Variants in SEC14L4 observed in about 807,000 individuals in gnomAD.
The protein encoded by SEC14L4 is SEC14-like protein 4.
SEC14L4 carries 42 observed loss-of-function variants against 55.1 expected under a neutral mutation model. The ratio of observed to expected loss-of-function variants is 0.76; its 90% CI spans 0.60 to 0.99. SEC14L4 has a LOEUF of 0.99. Ranked by LOEUF, SEC14L4 falls within the 50% of genes least tolerant of loss-of-function variation. The pLI is 0.00. For missense variants in SEC14L4, 445 were observed against 512.1 expected (o/e 0.87, Z 1.27); for synonymous variants, 206 against 206.8 (o/e 1.00, Z 0.03).
At chr22:30,495,560 G>T (rs1205292427) in intron 4 of SEC14L4, 23 bp downstream of exon 4, 3 of 1,613,396 alleles carry the variant, frequency 1.9e-6, no homozygotes, top group Non-Finnish European at 2.5e-6. Flanking sequence ...CAGATGGCCT[G>T]GGGGATGCTG....
intron 2 of SEC14L4, among the ~76,000 whole-genome samples, chr22:30,498,283 T>C (rs1305310117): frequency 6.6e-6 from 1 of 152,070 alleles, no homozygotes; most frequent in Non-Finnish European, 1.5e-5. Flanking sequence ...CCGCCATGCC[T>C]GGCTAATTTT....
chr22:30,490,300 G>A lies in SEC14L4; in HGVS notation c.1082-54C>T, dbSNP rs1437844557. The A allele has an allele frequency of 2.5e-6, 4 of 1,604,262 alleles. No homozygotes were observed. The South Asian group carries it at 4.4e-5, about 18-fold the overall frequency. On this transcript the variant is annotated intron_variant, in intron 11 of 11. Coordinates refer to ENST00000255858, the MANE Select transcript of SEC14L4 (RefSeq NM_174977.4). The stretch of plus-strand genomic sequence containing the variant: ...CACAAACCCCGCACATCTGCAGGAA[G>A]AGCCAGCCCTGCATGGGTGCATCCC...
At position 30,492,163 on chromosome 22, in the gene SEC14L4, G is replaced by A. The variant is rs1390015980; in HGVS notation, c.665-8C>T. ...GCTCCTGCTTCCAGTTGTCTGCATGGGAGCAAGAGAGGGACTCCAAAGGGA... is the reference window on the plus strand; with the variant it reads ...GCTCCTGCTTCCAGTTGTCTGCATGAGAGCAAGAGAGGGACTCCAAAGGGA... On this transcript the variant is annotated splice_region_variant and splice_polypyrimidine_tract_variant and intron_variant, in intron 8 of 11. Coordinates refer to ENST00000255858, the MANE Select transcript of SEC14L4 (RefSeq NM_174977.4). The A allele has an allele frequency of 6.2e-7, 1 of 1,603,980 alleles. No individual in the cohort carries two copies.
intron 2 of SEC14L4, among the ~76,000 whole-genome samples, chr22:30,501,187 G>C (rs1383040035): frequency 6.6e-6 from 1 of 152,192 alleles, no homozygotes; most frequent in Non-Finnish European, 1.5e-5. Flanking sequence ...TGGGTCTTGG[G>C]TTAGTGAGGC....
chr22:30,494,965 C>T lies in SEC14L4; in HGVS notation c.424-4G>A, dbSNP rs773881827. 18 of 1,612,686 alleles carry T rather than the reference C, an allele frequency of 1.1e-5. No individual in the cohort carries two copies. In the East Asian group the frequency reaches 3.6e-4, roughly 32 times the overall value. On this transcript the variant is annotated splice_region_variant and splice_polypyrimidine_tract_variant and intron_variant, in intron 5 of 11. Coordinates refer to ENST00000255858, the MANE Select transcript of SEC14L4 (RefSeq NM_174977.4). ...CCATCTCGATCTTCCTGCCCAGCTG[C>T]TTGGGACAGAGTCATATAGGTCAGA...
Position 30,503,664 on chromosome 22 carries a change from CT to C in SEC14L4, c.130+12del. 1 of 1,602,232 alleles carries C rather than the reference CT, an allele frequency of 6.2e-7. No individual in the cohort carries two copies. The highest frequency in any genetic ancestry group is 8.5e-7 in the Non-Finnish European group (1 of 1,170,072). ...CCTCCCTTTCTGCGTCCCCTGACCC[CT>C]GCAAGCCTCACCTCGCAGCCAGCGC... On this transcript the variant is annotated intron_variant, in intron 2 of 11. Transcript: ENST00000255858.
chr22:30,492,440 C>A (rs1569241307), intron 8 of SEC14L4, 34 bp downstream of exon 8: 2 of 1,564,180 alleles, frequency 1.3e-6, no homozygotes, highest in African/African-American at 1.3e-5. Flanking sequence ...GCTTCCCAGG[C>A]AGATGGACAC....
Position 30,490,041 on chromosome 22 carries a change from G to T in SEC14L4, c.*66C>A. 6.3e-7 allele frequency: 1 copy of T among 1,597,228 alleles called. No homozygotes were observed. The highest frequency in any genetic ancestry group is 1.7e-4 in the Middle Eastern group (1 of 5,996). Reference sequence around the variant, plus strand: ...CCACCTCCAGCACCACCCTGCCTGGGAAGGCAGGGGTCAGAGGGGTGGGTG... The same window carrying T: ...CCACCTCCAGCACCACCCTGCCTGGTAAGGCAGGGGTCAGAGGGGTGGGTG... On this transcript the variant is annotated 3_prime_UTR_variant, in exon 12 of 12. Transcript: ENST00000255858.
At chr22:30,493,774 T>G (rs1193179354) in intron 7 of SEC14L4, among the ~76,000 whole-genome samples, 2 of 152,112 alleles carry the variant, frequency 1.3e-5, no homozygotes, top group Non-Finnish European at 2.9e-5. Flanking sequence ...GAGGCCGAAG[T>G]GGCTGGATGA....
intron 11 of SEC14L4, among the ~76,000 whole-genome samples, chr22:30,490,748 GA>G (rs1295170906): frequency 6.6e-6 from 1 of 152,184 alleles, no homozygotes; most frequent in Admixed American, 6.5e-5. Flanking sequence ...TTACAGAGGA[GA>G]AAACTGAGGC....
At chr22:30,492,242 T>C in intron 8 of SEC14L4, 87 bp from the exon 9 acceptor site, 1 of 1,503,308 alleles carries the variant, frequency 6.7e-7, no homozygotes, top group Non-Finnish European at 9.1e-7. Context: ...GGGAACCTGA[T>C]ATGTCCTGGG....
intron 7 of SEC14L4, among the ~76,000 whole-genome samples, 170 bp downstream of exon 7, chr22:30,493,980 G>C (rs8141671): frequency 0.19 from 28,292 of 152,076 alleles, 2,946 homozygotes; most frequent in Admixed American, 0.25. Flanking sequence ...CTCCGGCCTG[G>C]GTGACAGAGG....
chr22:30,504,546 G>A (rs1203852267), intron 1 of SEC14L4, among the ~76,000 whole-genome samples: 2 of 152,200 alleles, frequency 1.3e-5, no homozygotes, highest in South Asian at 4.1e-4. Context: ...AAAGGAGTCT[G>A]TGCACGTAAA....
Position 30,505,650 on chromosome 22 carries a change from G to T in SEC14L4, c.-39C>A, listed in dbSNP as rs770244560. 4.6e-6 allele frequency: 7 copies of T among 1,513,258 alleles called. No homozygotes were observed. In the South Asian group the frequency reaches 8.6e-5, roughly 19 times the overall value. The allele number at this position is 1,513,258 out of a possible 1,614,324, so 93.7% of individuals were successfully genotyped here. A position where few individuals can be genotyped will look rare whatever the true frequency, so the allele number is the denominator to read the frequency against. On this transcript the variant is annotated 5_prime_UTR_variant, in exon 1 of 12. Transcript: ENST00000255858. ...GCAGAAAGGCTCAGGGCGCAGGTCC[G>T]CCCGCCCGCCGCCGCCTGGCCTTGT...
At chr22:30,505,088 C>T (rs1357902607) in intron 1 of SEC14L4, among the ~76,000 whole-genome samples, 1 of 148,880 alleles carries the variant, frequency 6.7e-6, no homozygotes, top group Non-Finnish European at 1.5e-5. Context: ...ACCGAGATTG[C>T]GCCATTACAC....
chr22:30,503,493 C>T (rs754438628), intron 2 of SEC14L4, among the ~76,000 whole-genome samples, 184 bp downstream of exon 2: 44 of 152,116 alleles, frequency 2.9e-4, no homozygotes, highest in Non-Finnish European at 4.9e-4. Context: ...GAACTCCCGA[C>T]CTCAGGTGAT....
rs1309873144 is a variant in SEC14L4, at chr22:30,494,894, C to G, written c.491G>C (p.Trp164Ser). The G allele has an allele frequency of 1.9e-6, 3 of 1,613,776 alleles. No individual in the cohort carries two copies. The South Asian group carries it at 3.3e-5, about 18-fold the overall frequency. ...CTGGTAGACCTCCACAGCTGGCTTC[C>G]ACAGGTGTTTCAGGCTCAGCCCCTC... ...DMEGLSLKHL[W>S]KPAVEVYQQF... is the part of the protein sequence containing the mutation. Residue 164 changes from tryptophan to serine, a missense_variant, in exon 6 of 12, where the codon TGG (tryptophan) becomes TCG (serine). Physicochemically the swap from Trp to Ser is radical, Grantham distance 177. Coordinates refer to ENST00000255858, the MANE Select transcript of SEC14L4 (RefSeq NM_174977.4).
chr22:30,498,338 C>T (rs762735398), intron 2 of SEC14L4, among the ~76,000 whole-genome samples: 8 of 151,866 alleles, frequency 5.3e-5, no homozygotes, highest in Non-Finnish European at 8.8e-5. Context: ...TAACTTCAAG[C>T]GATCTGCCTG....
intron 2 of SEC14L4, among the ~76,000 whole-genome samples, chr22:30,501,872 TATAC>T (rs1373518518): frequency 7.3e-4 from 104 of 142,352 alleles, no homozygotes; most frequent in Middle Eastern, 7.2e-3. Context: ...TATATATATA[TATAC>T]ATACACATAC....
Sources: gnomAD v4.1 joint callset for allele counts (sites outside exome capture counted in the v4.1 genomes callset) on GRCh38, gnomAD v4.1.1 for gene constraint, MANE v1.5 for transcripts, NCBI Gene and HGNC (gene_info 2026-07-23, HGNC 2026-07-21) for gene names.